Variants in STAMBPL1 observed in about 807,000 individuals in gnomAD.
The protein encoded by STAMBPL1 is AMSH-like protease.
STAMBPL1 carries 44 observed loss-of-function variants against 52.9 expected under a neutral mutation model. The ratio of observed to expected loss-of-function variants is 0.83; its 90% CI spans 0.65 to 1.07. STAMBPL1 has a LOEUF of 1.07. STAMBPL1 is among the 50% of genes least tolerant of loss of function. The pLI, the probability that STAMBPL1 is intolerant of heterozygous loss-of-function variation, is 0.00. For synonymous variants in STAMBPL1, 164 were observed against 177.3 expected (o/e 0.92, Z 0.60); for missense variants, 511 against 520.8 (o/e 0.98, Z 0.18).
At chr10:88,898,388 CCTGGACCACAT>C (rs1844863334) in intron 1 of STAMBPL1, among the ~76,000 whole-genome samples, 1 of 152,094 alleles carries the variant, frequency 6.6e-6, no homozygotes, top group African/African-American at 2.4e-5. Context: ...TCGTGGGGAA[CCTGGACCACAT>C]TTTGAGAGCC....
intron 4 of STAMBPL1, among the ~76,000 whole-genome samples, chr10:88,908,980 G>A (rs992161007): frequency 1.3e-5 from 2 of 152,092 alleles, no homozygotes; most frequent in African/African-American, 4.8e-5. Context: ...ATTGATGCTG[G>A]GGGAAAAGAA....
intron 8 of STAMBPL1, among the ~76,000 whole-genome samples, chr10:88,917,301 C>T (rs959340298): frequency 2.6e-5 from 4 of 152,112 alleles, no homozygotes; most frequent in Admixed American, 2.6e-4. Context: ...TATATATCAG[C>T]CACACTCCCT....
At chr10:88,901,845 T>C in intron 2 of STAMBPL1, 107 bp downstream of exon 2, 1 of 1,124,636 alleles carries the variant, frequency 8.9e-7, no homozygotes, top group African/African-American at 1.6e-5. Flanking sequence ...AGTTTAGCAC[T>C]TGTAGTTTTT....
chr10:88,909,917 A>G (rs1429766430), intron 4 of STAMBPL1, among the ~76,000 whole-genome samples: 3 of 152,088 alleles, frequency 2.0e-5, no homozygotes, highest in Non-Finnish European at 4.4e-5. Flanking sequence ...TTTAATGTCT[A>G]CAGTCACTTA....
At chr10:88,918,472 C>T (rs1055316065) in intron 8 of STAMBPL1, among the ~76,000 whole-genome samples, 12 of 152,238 alleles carry the variant, frequency 7.9e-5, no homozygotes, top group African/African-American at 2.9e-4. Context: ...TAATGAATAC[C>T]TTCTCTCCTC....
chr10:88,880,822 T>A (rs1028226403), intron 1 of STAMBPL1, among the ~76,000 whole-genome samples, 184 bp downstream of exon 1: 3 of 152,172 alleles, frequency 2.0e-5, no homozygotes, highest in Non-Finnish European at 4.4e-5. Flanking sequence ...CTGCCAGTCA[T>A]GCAATCGGCC....
chr10:88,882,797 T>G (rs1844438138), intron 1 of STAMBPL1: 1 of 152,222 alleles, frequency 6.6e-6, no homozygotes, highest in Non-Finnish European at 1.5e-5. Context: ...TTCCATTCCT[T>G]AGGGCTGATG....
At chr10:88,912,868 G>A in intron 5 of STAMBPL1, 1 of 483,438 alleles carries the variant, frequency 2.1e-6, no homozygotes, top group Non-Finnish European at 3.7e-6. Flanking sequence ...GATCCTGATT[G>A]TCATGGCCTG....
At chr10:88,921,888 C>T (rs916215641) in intron 9 of STAMBPL1, among the ~76,000 whole-genome samples, 2 of 152,130 alleles carry the variant, frequency 1.3e-5, no homozygotes, top group African/African-American at 2.4e-5. Flanking sequence ...ACCTGCCCAT[C>T]GGGGATGGAT....
Position 88,916,671 on chromosome 10 carries a change from G to A in STAMBPL1, c.904-9G>A. On this transcript the variant is annotated splice_polypyrimidine_tract_variant and intron_variant, in intron 7 of 10. Transcript: ENST00000371926. ...GATGCATGTCATTCTTTCTGCTATTGTTTTTTAGACACATAATGAATTTAC... is the reference window on the plus strand; with the variant it reads ...GATGCATGTCATTCTTTCTGCTATTATTTTTTAGACACATAATGAATTTAC... 6.5e-7 allele frequency: 1 copy of A among 1,548,454 alleles called. No individual in the cohort carries two copies. Among genetic ancestry groups the A allele is most frequent in the South Asian group, 1.2e-5 (1 of 80,312 alleles).
intron 1 of STAMBPL1, among the ~76,000 whole-genome samples, chr10:88,891,776 C>T (rs1844690389): frequency 6.6e-6 from 1 of 151,962 alleles, no homozygotes; most frequent in African/African-American, 2.4e-5. Flanking sequence ...TATTTTTACA[C>T]CTCTCTGCCC....
chr10:88,923,258 C>T lies in STAMBPL1; in HGVS notation c.*34C>T, dbSNP rs1845560433. 2 of 1,571,482 alleles carry T rather than the reference C, an allele frequency of 1.3e-6. No individual in the cohort carries two copies. The highest frequency in any genetic ancestry group is 1.4e-5 in the African/African-American group (1 of 72,448). ...GAATGTAAGCACCGTCAACATCAGACACCTACTCATGGACATGTGGTTGCC... is the reference window on the plus strand; with the variant it reads ...GAATGTAAGCACCGTCAACATCAGATACCTACTCATGGACATGTGGTTGCC... On this transcript the variant is annotated 3_prime_UTR_variant, in exon 11 of 11. Transcript: ENST00000371926.
intron 1 of STAMBPL1, among the ~76,000 whole-genome samples, chr10:88,881,419 G>A (rs1413427744): frequency 1.3e-5 from 2 of 151,990 alleles, no homozygotes; most frequent in South Asian, 4.2e-4. Context: ...AGTGGGGTGG[G>A]GTGGCTTGCT....
At chr10:88,888,230 G>A (rs1844587816) in intron 1 of STAMBPL1, among the ~76,000 whole-genome samples, 1 of 152,176 alleles carries the variant, frequency 6.6e-6, no homozygotes, top group Non-Finnish European at 1.5e-5. Context: ...CAGAGAAGGG[G>A]AAAGGCTCAG....
chr10:88,921,535 CT>C, intron 9 of STAMBPL1, 140 bp downstream of exon 9: 1 of 623,008 alleles, frequency 1.6e-6, no homozygotes, highest in Middle Eastern at 3.3e-4. Flanking sequence ...TAGTAGTCAG[CT>C]GCCATAGACC....
chr10:88,891,612 T>C (rs1844686537), intron 1 of STAMBPL1, among the ~76,000 whole-genome samples: 1 of 152,312 alleles, frequency 6.6e-6, no homozygotes, highest in African/African-American at 2.4e-5. Context: ...AACAAATCAA[T>C]AACATATGTC....
rs1845566595 is a variant in STAMBPL1 at position 88,923,480 on chromosome 10, G to C, written c.*256G>C. 8.4e-7 allele frequency: 1 copy of C among 1,192,606 alleles called. No individual in the cohort carries two copies. Among genetic ancestry groups the C allele is most frequent in the Non-Finnish European group, 1.0e-6 (1 of 962,994 alleles). 73.9% of individuals were successfully genotyped at this position (1,192,606 alleles called of 1,614,324 possible). On this transcript the variant is annotated 3_prime_UTR_variant, in exon 11 of 11. Transcript: ENST00000371926. ...CTATGGCCAGATAATAAATTGTGCT[G>C]CAAACAACATGTCTTGTATTTATAG...
At chr10:88,914,431 T>C in intron 6 of STAMBPL1, 103 bp from the exon 7 acceptor site, 1 of 959,716 alleles carries the variant, frequency 1.0e-6, no homozygotes, top group Non-Finnish European at 1.4e-6. Flanking sequence ...GATACTTTTA[T>C]TTTTGAAATT....
intron 9 of STAMBPL1, 110 bp from the exon 10 acceptor site, chr10:88,922,227 A>T: frequency 4.4e-5 from 46 of 1,043,430 alleles, no homozygotes; most frequent in Middle Eastern, 4.8e-4. Flanking sequence ...CTAGTTTGTG[A>T]TTTCTCAATC....
Sources: allele counts gnomAD v4.1 joint callset (sites outside exome capture counted in the v4.1 genomes callset), GRCh38; gene constraint gnomAD v4.1.1; transcripts MANE v1.5; gene names NCBI Gene and HGNC (gene_info 2026-07-23, HGNC 2026-07-21).